The following NEMF variants were observed in gnomAD, a reference collection of about 807,000 sequenced individuals.
NEMF encodes the protein nuclear export mediator factor, also known as ribosome quality control complex subunit NEMF.
NEMF carries 89 observed loss-of-function variants against 162.2 expected under a neutral mutation model. The ratio of observed to expected loss-of-function variants is 0.55; its 90% confidence interval spans 0.46 to 0.65. NEMF has a LOEUF of 0.65. NEMF is among the 30% of genes least tolerant of loss of function. The probability of loss-of-function intolerance (pLI) is 0.00; values close to 1 mark genes in which losing one functional copy is unlikely to be tolerated. For synonymous variants in NEMF, 421 were observed against 404.5 expected (o/e 1.04, Z -0.49); for missense variants, 1,133 against 1,261.9 (o/e 0.90, Z 1.55).
At chr14:49,790,851 G>A (rs1594725070) in intron 26 of NEMF, among the ~76,000 whole-genome samples, 2 of 152,228 alleles carry the variant, frequency 1.3e-5, no homozygotes, top group African/African-American at 4.8e-5. Context: ...AAATTAGCCA[G>A]GCGTGGTGGT....
At chr14:49,786,696 G>A (rs2139818535) in intron 29 of NEMF, 22 bp downstream of exon 29, 1 of 1,596,322 alleles carries the variant, frequency 6.3e-7, no homozygotes, top group African/African-American at 1.3e-5. Context: ...GTTGTAGTAG[G>A]AACCCCAACA....
chr14:49,823,375 T>G (rs1892181266), intron 16 of NEMF, among the ~76,000 whole-genome samples: 1 of 151,844 alleles, frequency 6.6e-6, no homozygotes, highest in South Asian at 2.1e-4. Flanking sequence ...AAGCAGAAAC[T>G]TATTTATTTT....
chr14:49,835,522 T>C (rs963045773), intron 6 of NEMF, among the ~76,000 whole-genome samples: 2 of 152,190 alleles, frequency 1.3e-5, no homozygotes. Flanking sequence ...TTCTCAACCT[T>C]ATAAGGACAC....
intron 16 of NEMF, among the ~76,000 whole-genome samples, chr14:49,817,840 G>T (rs1260800892): frequency 6.6e-6 from 1 of 152,084 alleles, no homozygotes; most frequent in African/African-American, 2.4e-5. Flanking sequence ...GAAAACTCCA[G>T]GACTACTCAG....
chr14:49,810,614 T>G (rs1475089195), intron 18 of NEMF, among the ~76,000 whole-genome samples: 3 of 152,170 alleles, frequency 2.0e-5, no homozygotes, highest in African/African-American at 7.2e-5. Context: ...TCATTTTCAA[T>G]ACTGCTTTCG....
chr14:49,851,906 T>C (rs1395778553), intron 1 of NEMF, 31 bp from the exon 2 acceptor site: 1 of 1,307,736 alleles, frequency 7.6e-7, no homozygotes, highest in Non-Finnish European at 1.1e-6. Context: ...TGTAACATGT[T>C]ACACTATTGT....
Position 49,840,842 on chromosome 14 carries a change from C to T in NEMF, c.382G>A (p.Glu128Lys), listed in dbSNP as rs747694791. 2 of 1,606,836 alleles carry T rather than the reference C, an allele frequency of 1.2e-6. No homozygotes were observed. The highest frequency in any genetic ancestry group is 4.5e-5 in the East Asian group (2 of 44,874). ...DRGNIVLTDY[E>K]YVILNILRFR... ...CTTAGAATATTTAAAATTACGTACT[C>T]ATAATCTGTAAGAACAATGTTCCCC... The change falls in exon 5 of 33, where the codon GAG (glutamate) becomes AAG (lysine). Residue 128 changes from glutamate to lysine, a missense_variant. Transcript: ENST00000298310.
At chr14:49,811,947 A>G (rs1363071382) in intron 18 of NEMF, among the ~76,000 whole-genome samples, 2 of 152,176 alleles carry the variant, frequency 1.3e-5, no homozygotes, top group African/African-American at 4.8e-5. Flanking sequence ...TGGGTTAGGA[A>G]GTGTTCCCAC....
chr14:49,835,176 G>A (rs999369511), intron 6 of NEMF, among the ~76,000 whole-genome samples: 1 of 150,216 alleles, frequency 6.7e-6, no homozygotes, highest in Non-Finnish European at 1.5e-5. Context: ...CTGCAGCCTG[G>A]GCAACAAGAG....
Position 49,782,516 on chromosome 14 carries a change from ATG to A in NEMF, c.*2118_*2119del. 6.2e-7 allele frequency: 1 copy of A among 1,601,464 alleles called. No homozygotes were observed. The highest frequency in any genetic ancestry group is 8.5e-7 in the Non-Finnish European group (1 of 1,171,434). On this transcript the variant is annotated 3_prime_UTR_variant, in exon 33 of 33. Coordinates refer to ENST00000298310, the MANE Select transcript of NEMF (RefSeq NM_004713.6). ...TTACTTGCAAAGCATTTGCTTTTAA[ATG>A]TGTTCTTCCTATTTATTTTTCAGGC...
rs1273481825 is a variant in NEMF at position 49,846,180 on chromosome 14, T to C, written c.317A>G (p.Asp106Gly). ...AATGATTAAATGGTAAGCAGCTTCA[T>C]CACTTCCAAATTGAAAATCTACAAT... Reference protein sequence around the residue: ...DRIVDFQFGSDEAAYHLIIEL... With the variant: ...DRIVDFQFGSGEAAYHLIIEL... Residue 106 changes from aspartate (D) to glycine (G), a missense_variant, in exon 4 of 33, where the codon GAT (aspartate) becomes GGT (glycine). Asp to Gly is a moderately conservative substitution (Grantham distance 94). This residue lies in a region of NEMF where 582 missense variants were observed against 631.5 expected (regional missense o/e 0.92). Transcript: ENST00000298310. 1.2e-6 allele frequency: 2 copies of C among 1,613,810 alleles called. No homozygotes were observed. Among genetic ancestry groups the C allele is most frequent in the Non-Finnish European group, 8.5e-7 (1 of 1,179,762 alleles).
chr14:49,809,848 G>A (rs1305064997), intron 18 of NEMF, among the ~76,000 whole-genome samples: 1 of 151,710 alleles, frequency 6.6e-6, no homozygotes. Context: ...GCAACAGAGC[G>A]AGACTCTGTC....
intron 5 of NEMF, chr14:49,839,694 A>C (rs1893095247): frequency 1.3e-5 from 2 of 152,228 alleles, no homozygotes; most frequent in Non-Finnish European, 2.9e-5. Flanking sequence ...AACCATTTGA[A>C]GTAACCCAAA....
At chr14:49,845,029 A>C (rs1310526466) in intron 4 of NEMF, among the ~76,000 whole-genome samples, 2 of 151,882 alleles carry the variant, frequency 1.3e-5, no homozygotes, top group Non-Finnish European at 2.9e-5. Flanking sequence ...TTGGCCTCCC[A>C]AAGTGCTGGG....
chr14:49,844,542 T>C (rs963445867), intron 4 of NEMF, among the ~76,000 whole-genome samples: 6 of 152,146 alleles, frequency 3.9e-5, no homozygotes, highest in Middle Eastern at 3.4e-3. Flanking sequence ...CTGCTCTGGG[T>C]GAGTGACAGT....
At chr14:49,804,018 T>C (rs1457459170) in intron 19 of NEMF, among the ~76,000 whole-genome samples, 2 of 151,926 alleles carry the variant, frequency 1.3e-5, no homozygotes, top group Non-Finnish European at 2.9e-5. Flanking sequence ...CTTTTTTTTT[T>C]TTTTGAGACA....
intron 5 of NEMF, among the ~76,000 whole-genome samples, chr14:49,839,070 T>TA (rs1265649829): frequency 1.3e-5 from 2 of 150,792 alleles, no homozygotes; most frequent in Non-Finnish European, 3.0e-5. Flanking sequence ...CATGTTAATT[T>TA]TTTTTTTTTT....
At chr14:49,806,230 G>GTGTGTGTA (rs1555346810) in intron 18 of NEMF, 97 bp from the exon 19 acceptor site, 3 of 104,322 alleles carry the variant, frequency 2.9e-5, no homozygotes, top group Non-Finnish European at 5.2e-5. Context: ...TCAATGATAT[G>GTGTGTGTA]TGTATATATA....
chr14:49,845,856 A>G (rs1340583416), intron 4 of NEMF: 1 of 467,726 alleles, frequency 2.1e-6, no homozygotes. Context: ...CTGGTTGCAT[A>G]TTAGTCCTGA....
Sources: gnomAD v4.1 joint callset for allele counts (sites outside exome capture counted in the v4.1 genomes callset) on GRCh38, gnomAD v4.1.1 for gene constraint, gnomAD v4.1.1 regional missense constraint, MANE v1.5 for transcripts, NCBI Gene and HGNC (gene_info 2026-07-23, HGNC 2026-07-21) for gene names.